Variants in NIBAN2 observed in about 807,000 individuals in gnomAD.
NIBAN2 encodes niban apoptosis regulator 2.
Under a neutral mutation model 81.8 loss-of-function variants are expected in NIBAN2, and 36 were observed. That is an observed-to-expected ratio of 0.44 (90% CI 0.34 to 0.58). The LOEUF is 0.58. NIBAN2 is among the 20% of genes least tolerant of loss of function. NIBAN2 has a pLI of 0.02. For synonymous variants in NIBAN2, 445 were observed against 441.6 expected (o/e 1.01, Z -0.10); for missense variants, 897 against 1,014.1 (o/e 0.88, Z 1.57).
intron 5 of NIBAN2, among the ~76,000 whole-genome samples, chr9:127,522,435 T>C (rs1836962385): frequency 6.6e-6 from 1 of 152,102 alleles, no homozygotes. Flanking sequence ...CTGGAAGCAG[T>C]TCAGTGTCCA....
intron 1 of NIBAN2, among the ~76,000 whole-genome samples, chr9:127,543,442 C>G (rs1837417818): frequency 6.6e-6 from 1 of 152,302 alleles, no homozygotes; most frequent in African/African-American, 2.4e-5. Flanking sequence ...CCCAGGCTGG[C>G]TGAACCTAGA....
upstream of NIBAN2, among the ~76,000 whole-genome samples, chr9:127,571,610 C>T (rs992365996): frequency 6.6e-6 from 1 of 152,002 alleles, no homozygotes; most frequent in Non-Finnish European, 1.5e-5. Flanking sequence ...GCAGAAGAAT[C>T]GCTTGAACCC....
In NIBAN2 at chr9:127,535,755, G is replaced by A. The variant is rs149526528; in HGVS notation, c.56-3977C>T. On this transcript the variant is annotated intron_variant, in intron 1 of 13. Coordinates refer to ENST00000373312, the MANE Select transcript of NIBAN2 (RefSeq NM_022833.4). ...AAATGGGTCAGGTAGGGAGGGCCAG[G>A]AACTCTGCTGGAGGGGTCTGGTCTC... is the stretch of plus-strand genomic sequence containing the variant. Among the ~76,000 whole-genome samples, 415 of 152,140 alleles carry A rather than the reference G, an allele frequency of 2.7e-3. 4 individuals are homozygous for A. The highest frequency in any genetic ancestry group is 4.2e-3 in the Non-Finnish European group (286 of 68,002).
chr9:127,572,873 C>T (rs1010388256), upstream of NIBAN2, among the ~76,000 whole-genome samples: 4 of 151,920 alleles, frequency 2.6e-5, no homozygotes, highest in African/African-American at 7.2e-5. Flanking sequence ...AATGAGACCC[C>T]GTCGTTAAAT....
intron 8 of NIBAN2, among the ~76,000 whole-genome samples, chr9:127,512,434 G>A (rs1836755006): frequency 6.6e-6 from 1 of 151,976 alleles, no homozygotes; most frequent in African/African-American, 2.4e-5. Context: ...CTACAGGCAT[G>A]CGCCACCACA....
intron 1 of NIBAN2, among the ~76,000 whole-genome samples, chr9:127,546,426 G>A (rs573871025): frequency 3.3e-5 from 5 of 152,130 alleles, no homozygotes; most frequent in African/African-American, 4.8e-5. Context: ...TGCCCCCCAC[G>A]GGCCTGGACA....
intron 1 of NIBAN2, chr9:127,561,135 C>T (rs191146065): frequency 1.3e-5 from 13 of 985,488 alleles, no homozygotes; most frequent in South Asian, 4.7e-5. Flanking sequence ...GATGCTGCTG[C>T]GGAGTGACTG....
intron 1 of NIBAN2, among the ~76,000 whole-genome samples, chr9:127,561,977 GAATTT>G (rs1262683775): frequency 3.9e-5 from 6 of 152,232 alleles, no homozygotes; most frequent in Admixed American, 1.3e-4. Context: ...AGCAGTGCAG[GAATTT>G]CTGCAACCGC....
intron 1 of NIBAN2, among the ~76,000 whole-genome samples, chr9:127,540,007 C>A (rs1008779457): frequency 8.5e-5 from 13 of 152,192 alleles, no homozygotes; most frequent in African/African-American, 2.9e-4. Flanking sequence ...GCCCTTTACC[C>A]TGGCAAGAAG....
intron 2 of NIBAN2, among the ~76,000 whole-genome samples, chr9:127,531,302 G>A (rs966437517): frequency 2.0e-5 from 3 of 152,002 alleles, no homozygotes; most frequent in Non-Finnish European, 4.4e-5. Context: ...GGCCAACATG[G>A]TAAAACCCCA....
intron 3 of NIBAN2, 110 bp downstream of exon 3, chr9:127,527,084 G>T (rs970981551): frequency 4.4e-6 from 6 of 1,375,648 alleles, no homozygotes; most frequent in African/African-American, 2.8e-5. Flanking sequence ...CCTGGTGACC[G>T]CGTGCAGGCT....
intron 1 of NIBAN2, among the ~76,000 whole-genome samples, chr9:127,576,558 A>G (rs948229057): frequency 4.6e-5 from 7 of 152,036 alleles, no homozygotes; most frequent in Non-Finnish European, 7.4e-5. Flanking sequence ...AATGGTCACA[A>G]CTTTTGGGGA....
At chr9:127,553,510 A>C (rs900418298) in intron 1 of NIBAN2, among the ~76,000 whole-genome samples, 1 of 152,212 alleles carries the variant, frequency 6.6e-6, no homozygotes, top group Non-Finnish European at 1.5e-5. Flanking sequence ...AGCTCACAAC[A>C]ACCCTCTTGA....
At chr9:127,540,427 T>C (rs1216002011) in intron 1 of NIBAN2, among the ~76,000 whole-genome samples, 6 of 152,184 alleles carry the variant, frequency 3.9e-5, no homozygotes, top group Non-Finnish European at 7.4e-5. Context: ...GGGCCTCGAA[T>C]GCCAAGCTAA....
In NIBAN2 at chr9:127,507,216, A is replaced by G; in HGVS notation, c.1870T>C (p.Ser624Pro). The change falls in exon 14 of 14, where the codon TCT becomes CCT. Residue 624 changes from serine to proline, a missense_variant. Transcript: ENST00000373312. The surrounding 1 kb of genome is among the most constrained non-coding windows in gnomAD (Gnocchi z 6.8). ...EKRRRAKQVVSVVQDEEVGLP... is the reference protein window; with the variant it reads ...EKRRRAKQVVPVVQDEEVGLP... ...CCCACCTCCTCATCCTGGACCACAG[A>G]GACCACCTGCTTGGCGCGCCGTCGC... 1 of 1,612,490 alleles carries G rather than the reference A, an allele frequency of 6.2e-7. No individual in the cohort carries two copies. Among genetic ancestry groups the G allele is most frequent in the Non-Finnish European group, 8.5e-7 (1 of 1,179,356 alleles).
At chr9:127,539,687 G>A (rs968250089) in intron 1 of NIBAN2, among the ~76,000 whole-genome samples, 9 of 152,166 alleles carry the variant, frequency 5.9e-5, no homozygotes, top group East Asian at 3.8e-4. Context: ...GGAACTGACC[G>A]GGATGCTGGC....
At chr9:127,578,550 T>C (rs1369640798) in intron 1 of NIBAN2, among the ~76,000 whole-genome samples, 1 of 151,048 alleles carries the variant, frequency 6.6e-6, no homozygotes, top group East Asian at 2.0e-4. Context: ...TCATCCCAGC[T>C]ACTCAGGAGG....
Position 127,507,151 on chromosome 9 carries a change from C to G in NIBAN2, c.1935G>C (p.Ala645=). ...GGATCTCAGTGACACCGTCCGGGGA[C>G]GCAGGTGGTGGTGACTCAGGGCTAG... ...FEASPESPPP[A]SPDGVTEIRG... Residue 645 remains alanine (A), a synonymous_variant, in exon 14 of 14, where the codon GCG becomes GCC. Coordinates refer to ENST00000373312, the MANE Select transcript of NIBAN2 (RefSeq NM_022833.4). The surrounding 1 kb of genome is among the most constrained non-coding windows in gnomAD (Gnocchi z 6.8). 1.2e-6 allele frequency: 2 copies of G among 1,608,208 alleles called. No homozygotes were observed. The highest frequency in any genetic ancestry group is 1.7e-6 in the Non-Finnish European group (2 of 1,177,868).
rs751762963 is a variant in NIBAN2, at chr9:127,510,128, G to A, written c.1161+18C>T. 2 of 1,596,160 alleles carry A rather than the reference G, an allele frequency of 1.3e-6. No homozygotes were observed. Among genetic ancestry groups the A allele is most frequent in the Non-Finnish European group, 1.7e-6 (2 of 1,169,154 alleles). Reference sequence around the variant, plus strand: ...CTACTCTCAGGAGACCCCCTCCTAGGGGCGGTGCCGGCCTCACCTCGCCCA... The same window carrying A: ...CTACTCTCAGGAGACCCCCTCCTAGAGGCGGTGCCGGCCTCACCTCGCCCA... On this transcript the variant is annotated intron_variant, in intron 9 of 13. Coordinates refer to ENST00000373312, the MANE Select transcript of NIBAN2 (RefSeq NM_022833.4).
Sources: allele counts gnomAD v4.1 joint callset (sites outside exome capture counted in the v4.1 genomes callset), GRCh38; gene constraint gnomAD v4.1.1; non-coding constraint Gnocchi (gnomAD v3.1); transcripts MANE v1.5; gene names NCBI Gene and HGNC (gene_info 2026-07-23, HGNC 2026-07-21).